ATP8A1: variants seen among roughly 807,000 people sequenced by gnomAD.
ATP8A1 encodes the protein phospholipid-transporting ATPase IA.
A neutral mutation model predicts 177.7 loss-of-function variants in ATP8A1; 90 were observed. That is an observed-to-expected ratio of 0.51 (90% CI 0.43 to 0.60). The LOEUF is 0.60. Ranked by LOEUF, ATP8A1 falls within the 20% of genes least tolerant of loss-of-function variation. The pLI is 0.00. For synonymous variants in ATP8A1, 493 were observed against 485.9 expected, an observed-to-expected ratio of 1.01 and a Z score of -0.19; for missense variants, 1,072 against 1,392.8, an observed-to-expected ratio of 0.77 and a Z score of 3.67.
chr4:42,517,129 G>A (rs976905256), intron 22 of ATP8A1, among the ~76,000 whole-genome samples: 3 of 151,636 alleles, frequency 2.0e-5, no homozygotes, highest in Non-Finnish European at 2.9e-5. Flanking sequence ...GTGAAACCCC[G>A]TCTCTACTAA....
intron 22 of ATP8A1, among the ~76,000 whole-genome samples, chr4:42,515,709 T>C (rs191228955): frequency 8.5e-5 from 13 of 152,254 alleles, no homozygotes; most frequent in African/African-American, 3.1e-4. Context: ...TCACTACCTA[T>C]CTCCCACCAC....
chr4:42,628,211 A>AG (rs1738322114), intron 1 of ATP8A1, among the ~76,000 whole-genome samples: 1 of 152,186 alleles, frequency 6.6e-6, no homozygotes, highest in Admixed American at 6.5e-5. Flanking sequence ...TGCTCCACCC[A>AG]CTGATGAAAA....
chr4:42,446,786 ACCCC>A, intron 30 of ATP8A1, 142 bp from the exon 31 acceptor site: 5 of 656,890 alleles, frequency 7.6e-6, no homozygotes, highest in Non-Finnish European at 1.3e-5. Flanking sequence ...AAAAAAAACA[ACCCC>A]AAACACTCTT....
chr4:42,482,244 G>A (rs1721748361), intron 25 of ATP8A1, among the ~76,000 whole-genome samples: 1 of 151,902 alleles, frequency 6.6e-6, no homozygotes, highest in South Asian at 2.1e-4. Flanking sequence ...GGGGGTTGCA[G>A]TGAGCTGAGA....
At chr4:42,541,894 G>T (rs1004447857) in intron 20 of ATP8A1, among the ~76,000 whole-genome samples, 1 of 152,130 alleles carries the variant, frequency 6.6e-6, no homozygotes, top group African/African-American at 2.4e-5. Flanking sequence ...GACTAGGCGG[G>T]GCACAGGGGA....
chr4:42,474,852 A>T (rs766539904), intron 25 of ATP8A1, among the ~76,000 whole-genome samples: 1 of 152,162 alleles, frequency 6.6e-6, no homozygotes, highest in Non-Finnish European at 1.5e-5. Context: ...AGAGTACAAA[A>T]GTTTCAAACC....
chr4:42,422,649 C>T (rs145560682), intron 35 of ATP8A1, among the ~76,000 whole-genome samples, 158 bp downstream of exon 35: 24 of 152,224 alleles, frequency 1.6e-4, no homozygotes, highest in East Asian at 7.7e-4. Context: ...GTTTAGAAAG[C>T]GACAGATTTA....
At chr4:42,531,907 C>T (rs1727295951) in intron 20 of ATP8A1, among the ~76,000 whole-genome samples, 2 of 152,022 alleles carry the variant, frequency 1.3e-5, no homozygotes, top group Admixed American at 1.3e-4. Context: ...CAAGACCTGC[C>T]TGAGCAACAA....
intron 21 of ATP8A1, among the ~76,000 whole-genome samples, chr4:42,522,861 G>A (rs1021857399): frequency 4.6e-5 from 7 of 152,138 alleles, no homozygotes; most frequent in Non-Finnish European, 1.0e-4. Context: ...CAGCGTGAGT[G>A]ACAATGTTTT....
intron 30 of ATP8A1, among the ~76,000 whole-genome samples, chr4:42,448,376 C>A (rs1717509277): frequency 7.0e-6 from 1 of 142,708 alleles, no homozygotes; most frequent in African/African-American, 2.6e-5. Flanking sequence ...AACAAGTAGC[C>A]TCCCTCCCTC....
At chr4:42,587,904 G>A (rs565842138) in intron 8 of ATP8A1, among the ~76,000 whole-genome samples, 5 of 152,076 alleles carry the variant, frequency 3.3e-5, no homozygotes, top group South Asian at 2.1e-4. Context: ...CACCGCGCCC[G>A]GCCCTTGTAC....
intron 24 of ATP8A1, among the ~76,000 whole-genome samples, chr4:42,498,060 G>A (rs1723461506): frequency 6.6e-6 from 1 of 152,220 alleles, no homozygotes; most frequent in Non-Finnish European, 1.5e-5. Flanking sequence ...AAGCACCAAT[G>A]CTGGCAGTGG....
chr4:42,421,462 G>A (rs897065729), intron 35 of ATP8A1, among the ~76,000 whole-genome samples: 8 of 152,160 alleles, frequency 5.3e-5, no homozygotes, highest in Admixed American at 5.2e-4. Context: ...CGAAGCCCCA[G>A]TTTCCTCATC....
intron 9 of ATP8A1, among the ~76,000 whole-genome samples, 164 bp downstream of exon 9, chr4:42,586,185 C>T (rs1733594948): frequency 6.6e-6 from 1 of 152,158 alleles, no homozygotes; most frequent in South Asian, 2.1e-4. Context: ...TAAGATTCAA[C>T]ATCTTCACAG....
chr4:42,450,410 C>T (rs1005455003), intron 30 of ATP8A1, among the ~76,000 whole-genome samples: 12 of 152,096 alleles, frequency 7.9e-5, no homozygotes, highest in African/African-American at 2.7e-4. Flanking sequence ...GTGACATCTG[C>T]ATAATTCAGT....
At chr4:42,498,496 T>C (rs1723502332) in intron 24 of ATP8A1, among the ~76,000 whole-genome samples, 1 of 152,180 alleles carries the variant, frequency 6.6e-6, no homozygotes, top group African/African-American at 2.4e-5. Context: ...TAATATCCAA[T>C]GTGGCTAACA....
chr4:42,633,345 A>G (rs1738942500), intron 1 of ATP8A1, among the ~76,000 whole-genome samples: 1 of 152,212 alleles, frequency 6.6e-6, no homozygotes, highest in African/African-American at 2.4e-5. Flanking sequence ...ACCTGCTCAT[A>G]TGAGAGAAGT....
At chr4:42,452,322 A>C (rs1343309282) in intron 29 of ATP8A1, among the ~76,000 whole-genome samples, 1 of 152,156 alleles carries the variant, frequency 6.6e-6, no homozygotes, top group Non-Finnish European at 1.5e-5. Flanking sequence ...TTTCTGCCTG[A>C]AAAAGAAAAT....
intron 30 of ATP8A1, among the ~76,000 whole-genome samples, chr4:42,450,087 T>C (rs1717768824): frequency 6.6e-6 from 1 of 152,154 alleles, no homozygotes; most frequent in African/African-American, 2.4e-5. Context: ...CCATATCCTG[T>C]TGCTCCAAAA....
Sources: allele counts gnomAD v4.1 joint callset (sites outside exome capture counted in the v4.1 genomes callset), GRCh38; gene constraint gnomAD v4.1.1; transcripts MANE v1.5; gene names NCBI Gene and HGNC (gene_info 2026-07-23, HGNC 2026-07-21).